The following WDR93 variants were observed in gnomAD, a reference collection of about 807,000 sequenced individuals.
WDR93 encodes the protein WD repeat domain 93.
In WDR93, 73 loss-of-function variants were observed where a neutral mutation model predicts 82.9. The observed-to-expected ratio is 0.88, with a 90% CI of 0.73 to 1.07. The LOEUF (loss-of-function observed/expected upper bound fraction) is 1.07, where lower values mean the gene tolerates loss of function less well. Among genes scored for constraint, WDR93 ranks in the 50% least tolerant of loss-of-function variants. The pLI, the probability that WDR93 is intolerant of heterozygous loss-of-function variation, is 0.00. For synonymous variants in WDR93, 283 were observed against 300.1 expected (o/e 0.94, Z 0.59); for missense variants, 738 against 826.0 (o/e 0.89, Z 1.31).
chr15:89,691,898 T>TTTTC (rs1239204957), intron 1 of WDR93, among the ~76,000 whole-genome samples: 1 of 152,132 alleles, frequency 6.6e-6, no homozygotes, highest in African/African-American at 2.4e-5. Flanking sequence ...ATATAGTCTG[T>TTTTC]TTTCCTACAT....
In WDR93 at chr15:89,729,677, C is replaced by A. The variant is rs371063115; in HGVS notation, c.1124-6C>A. Reference sequence around the variant, plus strand: ...ATTTTCTGTCTTTCCCCCGCCCCCCCACCAGGAATGGCCTGTGTCCTTGGT... The same window carrying A: ...ATTTTCTGTCTTTCCCCCGCCCCCCAACCAGGAATGGCCTGTGTCCTTGGT... On this transcript the variant is annotated splice_polypyrimidine_tract_variant and splice_region_variant and intron_variant, in intron 10 of 16. Transcript: ENST00000268130. The A allele has an allele frequency of 5.3e-5, 86 of 1,611,956 alleles. No homozygotes were observed. Among genetic ancestry groups the A allele is most frequent in the South Asian group, 4.1e-4 (37 of 90,988 alleles).
chr15:89,732,420 T>C (rs1436232961), intron 12 of WDR93, among the ~76,000 whole-genome samples: 1 of 152,186 alleles, frequency 6.6e-6, no homozygotes, highest in East Asian at 1.9e-4. Flanking sequence ...ATTTCAACTT[T>C]GGAGGATATT....
At chr15:89,737,827 G>A in intron 15 of WDR93, 98 bp downstream of exon 15, 1 of 1,532,832 alleles carries the variant, frequency 6.5e-7, no homozygotes, top group Non-Finnish European at 8.9e-7. Context: ...CCCACTCTGT[G>A]TCCCCCTCTA....
At chr15:89,708,896 G>C (rs1965839510) in intron 4 of WDR93, among the ~76,000 whole-genome samples, 1 of 152,264 alleles carries the variant, frequency 6.6e-6, no homozygotes, top group African/African-American at 2.4e-5. Flanking sequence ...AGGTCAGAGA[G>C]TGTTCCTGAA....
At chr15:89,710,077 T>C (rs538984449) in intron 4 of WDR93, among the ~76,000 whole-genome samples, 1 of 152,186 alleles carries the variant, frequency 6.6e-6, no homozygotes, top group Non-Finnish European at 1.5e-5. Context: ...GGAGAATTGC[T>C]TGAACCCAGG....
At chr15:89,705,675 A>G in intron 4 of WDR93, 57 bp downstream of exon 4, 4 of 1,132,324 alleles carry the variant, frequency 3.5e-6, no homozygotes, top group Non-Finnish European at 4.0e-6. Context: ...AATTAAGTTT[A>G]TTTTTAATAT....
At chr15:89,731,362 T>G in intron 11 of WDR93, 81 bp from the exon 12 acceptor site, 35 of 1,579,382 alleles carry the variant, frequency 2.2e-5, no homozygotes, top group Non-Finnish European at 2.7e-5. Context: ...CAGACCAGTC[T>G]GAGTCACAGG....
chr15:89,701,815 G>A lies in WDR93; in HGVS notation c.69G>A (p.Leu23=). 6.2e-7 allele frequency: 1 copy of A among 1,614,134 alleles called. No individual in the cohort carries two copies. The change falls in exon 2 of 17, where the codon TTG becomes TTA. Residue 23 remains leucine (L), a synonymous_variant. Coordinates refer to ENST00000268130, the MANE Select transcript of WDR93 (RefSeq NM_020212.2). The part of the protein sequence containing the change: ...KHPIGTRKGP[L]EVPPPTEKDW... Reference sequence around the variant, plus strand: ...CCATTGGTACACGAAAGGGACCATTGGAGGTGCCACCCCCAACAGAGAAGG... The same window carrying A: ...CCATTGGTACACGAAAGGGACCATTAGAGGTGCCACCCCCAACAGAGAAGG...
At chr15:89,737,762 A>C in intron 15 of WDR93, 33 bp downstream of exon 15, 4 of 1,612,654 alleles carry the variant, frequency 2.5e-6, no homozygotes, top group Non-Finnish European at 3.4e-6. Context: ...ATGCCCACTG[A>C]CCATTTCCCT....
chr15:89,727,033 A>G (rs894067461), intron 8 of WDR93, 124 bp from the exon 9 acceptor site: 4 of 1,112,578 alleles, frequency 3.6e-6, no homozygotes, highest in African/African-American at 1.6e-5. Flanking sequence ...CCAATTGCAG[A>G]GCAAGAATCG....
intron 1 of WDR93, among the ~76,000 whole-genome samples, chr15:89,699,436 G>A (rs888621130): frequency 1.3e-5 from 2 of 151,570 alleles, no homozygotes; most frequent in Non-Finnish European, 2.9e-5. Context: ...TCTTCTGGCT[G>A]CTTTCAAATT....
chr15:89,720,538 T>TG (rs1204174031), intron 7 of WDR93, among the ~76,000 whole-genome samples: 1 of 152,246 alleles, frequency 6.6e-6, no homozygotes, highest in African/African-American at 2.4e-5. Flanking sequence ...CCCAAAGTGC[T>TG]GGAATTATAG....
chr15:89,722,202 C>T, intron 8 of WDR93, 63 bp downstream of exon 8: 2 of 1,238,042 alleles, frequency 1.6e-6, no homozygotes, highest in Admixed American at 2.4e-5. Context: ...TTCCTTTCCC[C>T]ATGTCTTATC....
In WDR93 at chr15:89,703,120, C is replaced by T. The variant is rs758348729; in HGVS notation, c.474C>T (p.Leu158=). ...IWATDLGNEI[L]IAPVDEMGII... The stretch of plus-strand genomic sequence containing the variant: ...CCACAGATTTAGGGAATGAAATACT[C>T]ATTGCTCCTGTGGATGAAATGGGTA... The change falls in exon 3 of 17, where the codon CTC becomes CTT. Residue 158 remains leucine (L), a synonymous_variant. Transcript: ENST00000268130. The T allele has an allele frequency of 8.1e-6, 13 of 1,614,136 alleles. No homozygotes were observed. Among genetic ancestry groups the T allele is most frequent in the South Asian group, 1.1e-5 (1 of 91,086 alleles).
chr15:89,693,232 T>C (rs951189999), intron 1 of WDR93, among the ~76,000 whole-genome samples: 2 of 152,222 alleles, frequency 1.3e-5, no homozygotes, highest in African/African-American at 2.4e-5. Context: ...TATGCAGGAA[T>C]GTGATTGCTG....
intron 14 of WDR93, among the ~76,000 whole-genome samples, chr15:89,737,072 T>G (rs1451418312): frequency 1.3e-5 from 2 of 152,202 alleles, no homozygotes; most frequent in Admixed American, 6.5e-5. Context: ...ATTACAGGCA[T>G]GAGCCATCGC....
intron 4 of WDR93, among the ~76,000 whole-genome samples, chr15:89,710,031 G>A (rs1361552833): frequency 5.9e-5 from 9 of 152,016 alleles, no homozygotes; most frequent in Non-Finnish European, 7.4e-5. Context: ...GTGCTGGCAC[G>A]CGCCTGTAGT....
intron 5 of WDR93, among the ~76,000 whole-genome samples, chr15:89,714,491 A>G (rs1316163543): frequency 6.6e-6 from 1 of 151,778 alleles, no homozygotes; most frequent in South Asian, 2.1e-4. Flanking sequence ...ATGCCCGGCT[A>G]ATTTTTGTAT....
intron 15 of WDR93, 105 bp downstream of exon 15, chr15:89,737,834 T>C: frequency 6.6e-7 from 1 of 1,511,446 alleles, no homozygotes; most frequent in Non-Finnish European, 9.0e-7. Flanking sequence ...TGTGTCCCCC[T>C]CTACCATAGG....
Sources: gnomAD v4.1 joint callset for allele counts (sites outside exome capture counted in the v4.1 genomes callset) on GRCh38, gnomAD v4.1.1 for gene constraint, MANE v1.5 for transcripts, NCBI Gene and HGNC (gene_info 2026-07-23, HGNC 2026-07-21) for gene names.